Variants in GALNT14 observed in about 807,000 individuals in gnomAD.
The protein encoded by GALNT14 is UDP-GalNAc:polypeptide N-acetylgalactosaminyltransferase 14.
Under a neutral mutation model 77.5 loss-of-function variants are expected in GALNT14, and 60 were observed. The ratio of observed to expected loss-of-function variants is 0.77; its 90% CI spans 0.63 to 0.96. GALNT14 has a LOEUF of 0.96. Among genes scored for constraint, GALNT14 ranks in the 40% least tolerant of loss-of-function variants. The probability of loss-of-function intolerance (pLI) is 0.00; values close to 1 mark genes in which losing one functional copy is unlikely to be tolerated. For missense variants in GALNT14, 710 were observed against 731.0 expected (o/e 0.97, Z 0.33); for synonymous variants, 280 against 281.7 (o/e 0.99, Z 0.06).
chr2:31,057,031 A>G (rs1369848329), intron 1 of GALNT14, among the ~76,000 whole-genome samples: 1 of 152,188 alleles, frequency 6.6e-6, no homozygotes, highest in African/African-American at 2.4e-5. Flanking sequence ...ACACGGGAAC[A>G]GAAAATCAAA....
In GALNT14 at chr2:31,085,965, C is replaced by T. The variant is rs143810295; in HGVS notation, c.129+51993G>A. The stretch of plus-strand genomic sequence containing the variant: ...AGCGTTTGCAGGGGAACTAACTGCC[C>T]CTTATCATACCATCAGATCTCATGA... On this transcript the variant is annotated intron_variant, in intron 1 of 14. Transcript: ENST00000349752. Among the ~76,000 whole-genome samples the T allele has an allele frequency of 1.2e-3, 177 of 152,278 alleles. 5 individuals are homozygous for T. Among genetic ancestry groups the T allele is most frequent in the Middle Eastern group, 0.01 (3 of 294 alleles).
intron 1 of GALNT14, among the ~76,000 whole-genome samples, chr2:31,110,474 G>C (rs1677778694): frequency 6.6e-6 from 1 of 152,206 alleles, no homozygotes; most frequent in African/African-American, 2.4e-5. Context: ...AGCCTACCAA[G>C]AAATACCAAG....
intron 9 of GALNT14, among the ~76,000 whole-genome samples, chr2:30,934,340 G>C (rs1216147380): frequency 6.6e-6 from 1 of 152,024 alleles, no homozygotes; most frequent in African/African-American, 2.4e-5. Context: ...CTCAAAACAG[G>C]GCCTGCTCCA....
chr2:30,911,050 T>C lies in GALNT14; in HGVS notation c.1510A>G (p.Lys504Glu), dbSNP rs1165622385. The change falls in exon 15 of 15, where the codon AAA becomes GAA. Residue 504 changes from lysine (K) to glutamate (E), a missense_variant. Coordinates refer to ENST00000349752, the MANE Select transcript of GALNT14 (RefSeq NM_024572.4). Reference sequence around the variant, plus strand: ...ATGTGCTCGATGTGGGAACCAGTTTTGGTCCATTGCTGGTAAGACAAAGAA... The same window carrying C: ...ATGTGCTCGATGTGGGAACCAGTTTCGGTCCATTGCTGGTAAGACAAAGAA... ...KNGDDRQQWT[K>E]TGSHIEHIAS... The C allele has an allele frequency of 1.9e-6, 3 of 1,613,804 alleles. No homozygotes were observed. The highest frequency in any genetic ancestry group is 1.3e-5 in the African/African-American group (1 of 74,878).
chr2:30,950,209 T>A (rs193228166), intron 6 of GALNT14, among the ~76,000 whole-genome samples: 1 of 152,220 alleles, frequency 6.6e-6, no homozygotes, highest in East Asian at 1.9e-4. Flanking sequence ...GATTGGAGTT[T>A]CTTAAAATCT....
At chr2:31,123,428 A>G (rs1254431636) in intron 1 of GALNT14, among the ~76,000 whole-genome samples, 4 of 152,118 alleles carry the variant, frequency 2.6e-5, no homozygotes, top group African/African-American at 9.7e-5. Flanking sequence ...GGTGTCCTCA[A>G]CTGACTAAAT....
chr2:31,089,653 C>T (rs1304707382), intron 1 of GALNT14, among the ~76,000 whole-genome samples: 1 of 152,104 alleles, frequency 6.6e-6, no homozygotes, highest in African/African-American at 2.4e-5. Context: ...CCTGAGAAAG[C>T]AGAGGGTTAT....
intron 1 of GALNT14, among the ~76,000 whole-genome samples, chr2:31,030,961 T>C (rs1214062400): frequency 6.6e-6 from 1 of 152,204 alleles, no homozygotes; most frequent in Admixed American, 6.5e-5. Context: ...TAGCCCCAGC[T>C]GAAGGCCAGA....
At chr2:31,130,787 C>T (rs1249989923) in intron 1 of GALNT14, among the ~76,000 whole-genome samples, 1,243 of 100,532 alleles carry the variant, frequency 0.012, 17 homozygotes, top group African/African-American at 0.033. Flanking sequence ...TGTGTGTGCG[C>T]GCGCACCTGT....
chr2:30,991,281 G>A (rs1669681003), intron 2 of GALNT14: 1 of 152,002 alleles, frequency 6.6e-6, no homozygotes. Flanking sequence ...CTGGACTCAG[G>A]ACAAGGGTCC....
the GALNT14 span, among the ~76,000 whole-genome samples, chr2:30,899,570 GTTTT>G: frequency 6.9e-6 from 1 of 145,744 alleles, no homozygotes; most frequent in African/African-American, 2.5e-5. Context: ...CTCACCCAAG[GTTTT>G]TTTTTTTTTC....
rs542510111 is a variant in GALNT14 at position 30,992,672 on chromosome 2, A to C, written c.299+166T>G. Reference sequence around the variant, plus strand: ...CTCTCAGCAGTAAGCAGTAGGCAACACAGCCAGGGTCAATCACCAAATCCG... The same window carrying C: ...CTCTCAGCAGTAAGCAGTAGGCAACCCAGCCAGGGTCAATCACCAAATCCG... On this transcript the variant is annotated intron_variant, in intron 2 of 14. Transcript: ENST00000349752. 3.9e-5 allele frequency among the ~76,000 whole-genome samples: 6 copies of C among 152,316 alleles called. No homozygotes were observed. The South Asian group carries it at 1.2e-3, about 32-fold the overall frequency.
chr2:30,989,605 TATAA>T (rs1669549798), intron 2 of GALNT14, among the ~76,000 whole-genome samples: 1 of 138,794 alleles, frequency 7.2e-6, no homozygotes, highest in Non-Finnish European at 1.5e-5. Flanking sequence ...TTAGTAGATA[TATAA>T]AAATATATAT....
chr2:30,896,700 T>C, the GALNT14 span, among the ~76,000 whole-genome samples: 1 of 152,180 alleles, frequency 6.6e-6, no homozygotes, highest in African/African-American at 2.4e-5. Context: ...GATACTCAAA[T>C]GGATCCATTA....
At chr2:30,960,304 T>C (rs1219667242) in intron 3 of GALNT14, among the ~76,000 whole-genome samples, 1 of 152,178 alleles carries the variant, frequency 6.6e-6, no homozygotes, top group Non-Finnish European at 1.5e-5. Context: ...GCTGGAAGAA[T>C]AACCCCTAAT....
intron 2 of GALNT14, among the ~76,000 whole-genome samples, chr2:30,985,584 C>T (rs1669247820): frequency 6.6e-6 from 1 of 152,202 alleles, no homozygotes; most frequent in Non-Finnish European, 1.5e-5. Context: ...AGTTCTGCTA[C>T]AGAGCCACTT....
chr2:30,916,685 A>G (rs1664698006), intron 13 of GALNT14, among the ~76,000 whole-genome samples: 1 of 152,198 alleles, frequency 6.6e-6, no homozygotes, highest in African/African-American at 2.4e-5. Context: ...GTCTGGCCAT[A>G]GCTGTGGAAG....
intron 9 of GALNT14, among the ~76,000 whole-genome samples, chr2:30,933,136 G>T (rs537152626): frequency 6.6e-6 from 1 of 151,432 alleles, no homozygotes; most frequent in African/African-American, 2.4e-5. Flanking sequence ...GGTTAAAATT[G>T]CCAGTGCATG....
rs144291362 is a variant in GALNT14 at position 31,017,150 on chromosome 2, C to T, written c.130-24143G>A. ...TCTGCTTTATATATGAATTTTGTTC[C>T]CACATTTTCAGAAAGGTTCCTAAGA... On this transcript the variant is annotated intron_variant, in intron 1 of 14. Coordinates refer to ENST00000349752, the MANE Select transcript of GALNT14 (RefSeq NM_024572.4). Among the ~76,000 whole-genome samples the T allele has an allele frequency of 4.8e-3, 738 of 152,278 alleles. 5 individuals carry two copies. Among genetic ancestry groups the T allele is most frequent in the African/African-American group, 0.017 (718 of 41,544 alleles).
Sources: gnomAD v4.1 joint callset for allele counts (sites outside exome capture counted in the v4.1 genomes callset) on GRCh38, gnomAD v4.1.1 for gene constraint, MANE v1.5 for transcripts, NCBI Gene and HGNC (gene_info 2026-07-23, HGNC 2026-07-21) for gene names.